FAM13A: variants seen among roughly 807,000 people sequenced by gnomAD.
The protein encoded by FAM13A is protein FAM13A.
FAM13A carries 76 observed loss-of-function variants against 129.6 expected under a neutral mutation model. The ratio of observed to expected loss-of-function variants is 0.59; its 90% CI spans 0.49 to 0.71. The LOEUF is 0.71. Among genes scored for constraint, FAM13A ranks in the 30% least tolerant of loss-of-function variants. The probability of loss-of-function intolerance (pLI) is 0.00; values close to 1 mark genes in which losing one functional copy is unlikely to be tolerated. For synonymous variants in FAM13A, 443 were observed against 449.9 expected (o/e 0.98, Z 0.20); for missense variants, 1,108 against 1,249.3 (o/e 0.89, Z 1.70).
At chr4:89,027,062 G>A (rs891780359) in intron 2 of FAM13A, among the ~76,000 whole-genome samples, 1 of 152,124 alleles carries the variant, frequency 6.6e-6, no homozygotes, top group African/African-American at 2.4e-5. Context: ...TTACCGGCAG[G>A]GGATATGTTC....
chr4:88,742,911 G>T (rs1275579600), intron 19 of FAM13A, among the ~76,000 whole-genome samples: 1 of 152,096 alleles, frequency 6.6e-6, no homozygotes, highest in Non-Finnish European at 1.5e-5. Flanking sequence ...TAATTGCTTG[G>T]AAATGACTTT....
chr4:88,845,813 G>A (rs1736544264), intron 7 of FAM13A, among the ~76,000 whole-genome samples: 1 of 151,996 alleles, frequency 6.6e-6, no homozygotes, highest in South Asian at 2.1e-4. Context: ...AAAAAGTATT[G>A]GGAAAAGGAA....
At chr4:88,997,988 C>T (rs1247577697) in intron 3 of FAM13A, among the ~76,000 whole-genome samples, 1 of 152,162 alleles carries the variant, frequency 6.6e-6, no homozygotes, top group Non-Finnish European at 1.5e-5. Context: ...ACACGGGCAG[C>T]CTCTAGAAAC....
intron 2 of FAM13A, 128 bp from the exon 3 acceptor site, chr4:89,020,797 G>A: frequency 1.5e-6 from 1 of 659,462 alleles, no homozygotes; most frequent in Non-Finnish European, 2.6e-6. Context: ...ATCAATCATT[G>A]TGTAATTTTC....
chr4:88,781,120 G>A (rs1722762748), intron 11 of FAM13A, 45 bp downstream of exon 11: 5 of 1,285,008 alleles, frequency 3.9e-6, no homozygotes, highest in South Asian at 3.2e-5. Flanking sequence ...GAAAAGAGAT[G>A]TAATATTTCC....
At chr4:88,931,659 G>C (rs1163403063) in intron 5 of FAM13A, among the ~76,000 whole-genome samples, 1 of 152,138 alleles carries the variant, frequency 6.6e-6, no homozygotes. Flanking sequence ...TCTATGATCT[G>C]TCATGCTATT....
chr4:88,837,320 A>C (rs1734985110), intron 7 of FAM13A, among the ~76,000 whole-genome samples: 1 of 152,060 alleles, frequency 6.6e-6, no homozygotes, highest in Non-Finnish European at 1.5e-5. Context: ...AAATAGTGAT[A>C]AATACATATT....
At chr4:88,809,879 T>G (rs1334539866) in intron 7 of FAM13A, among the ~76,000 whole-genome samples, 1 of 151,702 alleles carries the variant, frequency 6.6e-6, no homozygotes, top group African/African-American at 2.4e-5. Context: ...TTTTTTTTTT[T>G]TTCCTGGAAA....
intron 6 of FAM13A, among the ~76,000 whole-genome samples, chr4:88,904,569 G>A (rs946128909): frequency 6.6e-6 from 1 of 152,116 alleles, no homozygotes; most frequent in Non-Finnish European, 1.5e-5. Context: ...TGAATCATGA[G>A]ACCACATGGA....
At chr4:88,945,783 GTA>G (rs146789971) in intron 4 of FAM13A, among the ~76,000 whole-genome samples, 11 of 127,016 alleles carry the variant, frequency 8.7e-5, no homozygotes, top group Non-Finnish European at 1.3e-4. Context: ...CTATGTGGTT[GTA>G]TATATATATA....
At chr4:88,748,160 G>A (rs1034940407) in intron 17 of FAM13A, among the ~76,000 whole-genome samples, 1 of 152,178 alleles carries the variant, frequency 6.6e-6, no homozygotes, top group African/African-American at 2.4e-5. Context: ...CCAAAGTGCT[G>A]GGATTACAGG....
intron 11 of FAM13A, among the ~76,000 whole-genome samples, chr4:88,770,774 T>A (rs1284237919): frequency 6.6e-6 from 1 of 152,110 alleles, no homozygotes. Flanking sequence ...AATAGAAAGC[T>A]TTGCAAAAAG....
At chr4:89,028,795 A>G (rs543635008) in intron 2 of FAM13A, among the ~76,000 whole-genome samples, 1 of 151,440 alleles carries the variant, frequency 6.6e-6, no homozygotes, top group African/African-American at 2.4e-5. Flanking sequence ...AGATGTAGGG[A>G]ATATGGAAGC....
At chr4:88,843,568 T>C (rs1471462447) in intron 7 of FAM13A, among the ~76,000 whole-genome samples, 1 of 152,184 alleles carries the variant, frequency 6.6e-6, no homozygotes, top group Non-Finnish European at 1.5e-5. Context: ...CTGGCTGGAC[T>C]TCAGAAATGA....
chr4:88,862,991 G>A (rs565831649), intron 6 of FAM13A, among the ~76,000 whole-genome samples: 13 of 105,626 alleles, frequency 1.2e-4, no homozygotes, highest in African/African-American at 4.3e-4. Context: ...AAGAAAAGAT[G>A]GGTGTGACAA....
chr4:88,729,925 T>A (rs553343886), intron 23 of FAM13A: 122 of 152,318 alleles, frequency 8.0e-4, no homozygotes, highest in African/African-American at 2.9e-3. Flanking sequence ...GTTTTGGGAA[T>A]TACTACTTAA....
chr4:88,878,985 G>C (rs1743070862), intron 6 of FAM13A, among the ~76,000 whole-genome samples: 1 of 152,220 alleles, frequency 6.6e-6, no homozygotes, highest in Non-Finnish European at 1.5e-5. Context: ...TGGTAGGCTG[G>C]CCTGATAGGA....
intron 3 of FAM13A, among the ~76,000 whole-genome samples, chr4:88,999,771 T>G (rs1403797159): frequency 6.6e-6 from 1 of 152,190 alleles, no homozygotes. Flanking sequence ...AGGTTGATTA[T>G]TTCCATGGGT....
intron 3 of FAM13A, among the ~76,000 whole-genome samples, chr4:89,003,629 G>A (rs1014243860): frequency 4.0e-5 from 6 of 148,168 alleles, no homozygotes; most frequent in Non-Finnish European, 9.0e-5. Flanking sequence ...AATGAGTGGG[G>A]AAAAAAGAAA....
Sources: gnomAD v4.1 joint callset for allele counts (sites outside exome capture counted in the v4.1 genomes callset) on GRCh38, gnomAD v4.1.1 for gene constraint, MANE v1.5 for transcripts, NCBI Gene and HGNC (gene_info 2026-07-23, HGNC 2026-07-21) for gene names.